The following UPRT variants were observed in gnomAD, a reference collection of about 807,000 sequenced individuals.
UPRT encodes the protein RP11-311P8.3.
A neutral mutation model predicts 22.6 loss-of-function variants in UPRT; 5 were observed. That is an observed-to-expected ratio of 0.22 (90% CI 0.12 to 0.47). UPRT has a LOEUF of 0.47. UPRT is among the 20% of genes least tolerant of loss of function. The pLI is 0.99. For synonymous variants in UPRT, 77 were observed against 87.7 expected (o/e 0.88, Z 0.68); for missense variants, 181 against 239.9 (o/e 0.75, Z 1.62).
At chrX:75,196,567 G>T (rs2082333180) in intron 4 of UPRT, among the ~76,000 whole-genome samples, 2 of 112,022 alleles carry the variant, frequency 1.8e-5, no homozygotes, top group Non-Finnish European at 3.8e-5. Context: ...ATAGAAAGAG[G>T]CCGAGTTGGT....
At chrX:75,156,380 C>G (rs771138582), upstream of UPRT, 33 of 905,438 alleles carry the variant, frequency 3.6e-5, no homozygotes, top group African/African-American at 5.5e-4. Flanking sequence ...GGGCCCCAGA[C>G]CGGAAATGGA....
At chrX:75,252,814 T>A (rs969071149) in intron 4 of UPRT, among the ~76,000 whole-genome samples, 1 of 112,164 alleles carries the variant, frequency 8.9e-6, no homozygotes, top group African/African-American at 3.2e-5. Context: ...AATGATAGAC[T>A]AGATTAAGAA....
intron 4 of UPRT, among the ~76,000 whole-genome samples, chrX:75,232,826 A>T (rs55705705): frequency 1.8e-5 from 2 of 110,127 alleles, no homozygotes; most frequent in Admixed American, 9.7e-5. Flanking sequence ...TAAAACCACA[A>T]AGATGGGGAA....
chrX:75,248,862 C>T (rs1312475186), intron 4 of UPRT, among the ~76,000 whole-genome samples: 1 of 111,981 alleles, frequency 8.9e-6, no homozygotes, highest in Non-Finnish European at 1.9e-5. Flanking sequence ...GCTGATCTCT[C>T]GGCAGAAATT....
chrX:75,171,169 T>C (rs189950737), intron 4 of UPRT, among the ~76,000 whole-genome samples: 6 of 111,776 alleles, frequency 5.4e-5, no homozygotes, highest in African/African-American at 1.9e-4. Context: ...AATATGTTTT[T>C]CAGACTTTTA....
chrX:75,255,492 G>A (rs2082546747), intron 4 of UPRT, among the ~76,000 whole-genome samples: 1 of 111,436 alleles, frequency 9.0e-6, no homozygotes, highest in African/African-American at 3.3e-5. Flanking sequence ...CACAATTAAA[G>A]GAATGCTACC....
chrX:75,298,415 A>G (rs1205750751), intron 4 of UPRT, among the ~76,000 whole-genome samples: 1 of 111,615 alleles, frequency 9.0e-6, no homozygotes, highest in African/African-American at 3.3e-5. Flanking sequence ...TTTGAGTCCA[A>G]CTGATTACCC....
At chrX:75,242,504 T>C (rs946412867) in intron 4 of UPRT, among the ~76,000 whole-genome samples, 1 of 110,897 alleles carries the variant, frequency 9.0e-6, no homozygotes, top group Non-Finnish European at 1.9e-5. Context: ...AGTAGAATAA[T>C]GTAACCTGGA....
chrX:75,237,746 A>C (rs1450691777), intron 4 of UPRT, among the ~76,000 whole-genome samples: 1 of 97,559 alleles, frequency 1.0e-5, no homozygotes, highest in Non-Finnish European at 2.0e-5. Context: ...AGAATTGAAC[A>C]ATGAGAACAC....
chrX:75,234,672 G>C (rs1383771516), intron 4 of UPRT, among the ~76,000 whole-genome samples: 2 of 111,145 alleles, frequency 1.8e-5, no homozygotes, highest in Non-Finnish European at 3.8e-5. Context: ...TGAACAACCT[G>C]CTCCTGAATG....
At chrX:75,201,649 G>T in intron 4 of UPRT, 1 of 117,139 alleles carries the variant, frequency 8.5e-6, no homozygotes, top group South Asian at 3.2e-4. Flanking sequence ...AAGGCTATGA[G>T]AACTTGTGCT....
At chrX:75,301,260 G>A (rs1340766248) in intron 6 of UPRT, among the ~76,000 whole-genome samples, 5 of 111,679 alleles carry the variant, frequency 4.5e-5, no homozygotes, top group Non-Finnish European at 9.4e-5. Context: ...CCCTTGGCTC[G>A]CCACTTGAGC....
intron 1 of UPRT, among the ~76,000 whole-genome samples, chrX:75,157,178 C>A (rs1487060044): frequency 8.9e-6 from 1 of 111,736 alleles, no homozygotes; most frequent in African/African-American, 3.3e-5. Flanking sequence ...TACCTGAAAC[C>A]CCGGAGACAA....
intron 4 of UPRT, among the ~76,000 whole-genome samples, chrX:75,245,394 A>G (rs1235692718): frequency 8.9e-6 from 1 of 111,856 alleles, no homozygotes; most frequent in African/African-American, 3.2e-5. Context: ...GAGTTCTCGA[A>G]TAAGTCAAAG....
At chrX:75,247,760 T>A (rs1051962688) in intron 4 of UPRT, among the ~76,000 whole-genome samples, 2 of 112,114 alleles carry the variant, frequency 1.8e-5, no homozygotes, top group Non-Finnish European at 3.8e-5. Context: ...GATCTGAGAA[T>A]GGGCAGACTA....
intron 4 of UPRT, among the ~76,000 whole-genome samples, chrX:75,234,416 C>A (rs1204834025): frequency 3.6e-5 from 4 of 111,202 alleles, no homozygotes; most frequent in Admixed American, 9.6e-5. Flanking sequence ...GAATTGAACT[C>A]AGCTCTGTAC....
At chrX:75,212,293 T>C (rs1288481249) in intron 4 of UPRT, among the ~76,000 whole-genome samples, 1 of 112,054 alleles carries the variant, frequency 8.9e-6, no homozygotes, top group East Asian at 2.8e-4. Context: ...AGTAAAACAC[T>C]CCTCAGCTAA....
At chrX:75,216,461 G>T (rs975776594) in intron 4 of UPRT, among the ~76,000 whole-genome samples, 11 of 112,395 alleles carry the variant, frequency 9.8e-5, no homozygotes, top group Admixed American at 2.8e-4. Flanking sequence ...AGCAAGAATG[G>T]CTGGATAATT....
chrX:75,179,683 C>T lies in UPRT; in HGVS notation c.-447+11804C>T, dbSNP rs756433767. Among the ~76,000 whole-genome samples the T allele has an allele frequency of 3.4e-3, 390 of 113,380 alleles. 1 individual carries two copies. Among genetic ancestry groups the T allele is most frequent in the African/African-American group, 0.012 (364 of 31,295 alleles). On this transcript the variant is annotated intron_variant, in intron 4 of 13. Transcript: ENST00000652605. ...GCCCCACGGGAAGGCAGCTAAGGCTCGGTGAGAAATTGAGCGCAGCGCTGG... is the reference window on the plus strand; with the variant it reads ...GCCCCACGGGAAGGCAGCTAAGGCTTGGTGAGAAATTGAGCGCAGCGCTGG...
Sources: allele counts gnomAD v4.1 joint callset (sites outside exome capture counted in the v4.1 genomes callset), GRCh38; gene constraint gnomAD v4.1.1; transcripts MANE v1.5; gene names NCBI Gene and HGNC (gene_info 2026-07-23, HGNC 2026-07-21).